Variants in KCNAB1 observed in about 807,000 individuals in gnomAD.
KCNAB1 encodes the protein voltage-gated potassium channel subunit beta-1.
KCNAB1 carries 35 observed loss-of-function variants against 64.6 expected under a neutral mutation model. The observed-to-expected ratio is 0.54, with a 90% CI of 0.41 to 0.72. KCNAB1 has a LOEUF of 0.72. Ranked by LOEUF, KCNAB1 falls within the 30% of genes least tolerant of loss-of-function variation. The pLI is 0.00. For missense variants in KCNAB1, 401 were observed against 512.9 expected (o/e 0.78, Z 2.11); for synonymous variants, 177 against 183.8 (o/e 0.96, Z 0.30).
chr3:156,396,918 CG>C (rs939487226), intron 1 of KCNAB1, among the ~76,000 whole-genome samples: 3 of 152,068 alleles, frequency 2.0e-5, no homozygotes, highest in African/African-American at 7.2e-5. Flanking sequence ...TTAGGACAGG[CG>C]ATGTAATGAC....
At chr3:156,424,956 A>G (rs1226341378) in intron 2 of KCNAB1, among the ~76,000 whole-genome samples, 1 of 152,202 alleles carries the variant, frequency 6.6e-6, no homozygotes, top group African/African-American at 2.4e-5. Flanking sequence ...TTCATTCAAA[A>G]CAGTTAACTA....
intron 1 of KCNAB1, among the ~76,000 whole-genome samples, chr3:156,172,420 C>T (rs1279321955): frequency 6.6e-6 from 1 of 152,068 alleles, no homozygotes; most frequent in Non-Finnish European, 1.5e-5. Flanking sequence ...GCGGGGACTA[C>T]AGGCATTCAC....
At chr3:156,333,319 AACAC>A (rs10641743) in intron 1 of KCNAB1, among the ~76,000 whole-genome samples, 66 of 143,382 alleles carry the variant, frequency 4.6e-4, no homozygotes, top group Admixed American at 2.1e-3. Flanking sequence ...CGCACATAGA[AACAC>A]ACACACACAC....
intron 2 of KCNAB1, among the ~76,000 whole-genome samples, chr3:156,425,171 A>G (rs192112309): frequency 6.6e-6 from 1 of 152,342 alleles, no homozygotes; most frequent in East Asian, 1.9e-4. Flanking sequence ...CCTACGTTCA[A>G]CTGAGGCCTT....
intron 1 of KCNAB1, among the ~76,000 whole-genome samples, chr3:156,131,668 CAG>C (rs1577616776): frequency 6.6e-6 from 1 of 152,140 alleles, no homozygotes; most frequent in Admixed American, 6.5e-5. Flanking sequence ...CCTAGCTACT[CAG>C]GAAGCAGATG....
chr3:156,475,845 A>T (rs1226409652), intron 8 of KCNAB1, among the ~76,000 whole-genome samples: 1 of 152,216 alleles, frequency 6.6e-6, no homozygotes, highest in East Asian at 1.9e-4. Flanking sequence ...ACCATAAAAA[A>T]GTTATGGAAA....
At chr3:156,183,058 A>G (rs1401346412) in intron 1 of KCNAB1, among the ~76,000 whole-genome samples, 2 of 152,150 alleles carry the variant, frequency 1.3e-5, no homozygotes, top group Admixed American at 6.5e-5. Context: ...TTACCATACA[A>G]TAATTGATTT....
chr3:156,191,367 A>T (rs901591030), intron 1 of KCNAB1, among the ~76,000 whole-genome samples: 1 of 152,234 alleles, frequency 6.6e-6, no homozygotes, highest in Non-Finnish European at 1.5e-5. Context: ...TTTACAGAAC[A>T]TTAGCACTGT....
rs146536793 is a variant in KCNAB1, at chr3:156,123,305, A to G, written c.275+2419A>G. On this transcript the variant is annotated intron_variant, in intron 1 of 13. Coordinates refer to ENST00000490337, the MANE Select transcript of KCNAB1 (RefSeq NM_172160.3). ...TTCTGTGGGTCTTTGGTTAATGTTC[A>G]TCAGTAAGGAATTGCTAGCGAACTC... Among the ~76,000 whole-genome samples, 4 of 152,356 alleles carry G rather than the reference A, an allele frequency of 2.6e-5. No individual in the cohort carries two copies. In the East Asian group the frequency reaches 5.8e-4, roughly 22 times the overall value.
intron 1 of KCNAB1, among the ~76,000 whole-genome samples, chr3:156,141,015 C>G (rs988048944): frequency 4.7e-5 from 7 of 150,376 alleles, no homozygotes; most frequent in Non-Finnish European, 1.5e-5. Flanking sequence ...AGAGTCACAG[C>G]TGGAATCATG....
intron 1 of KCNAB1, among the ~76,000 whole-genome samples, chr3:156,182,634 C>CG (rs1553815374): frequency 1.3e-5 from 2 of 151,676 alleles, no homozygotes; most frequent in African/African-American, 4.8e-5. Context: ...TTTTTTCCCC[C>CG]CCCCGGGTCT....
chr3:156,215,545 G>A (rs1715265161), intron 1 of KCNAB1: 1 of 152,318 alleles, frequency 6.6e-6, no homozygotes, highest in Non-Finnish European at 1.5e-5. Context: ...GGTGGTACAT[G>A]AAGGCACTAG....
chr3:156,434,412 C>T (rs886939182), intron 2 of KCNAB1, among the ~76,000 whole-genome samples: 2 of 152,342 alleles, frequency 1.3e-5, no homozygotes, highest in Non-Finnish European at 2.9e-5. Context: ...CATATACAGA[C>T]AGCCCATACG....
chr3:156,329,642 C>T (rs993908553), intron 1 of KCNAB1, among the ~76,000 whole-genome samples: 2 of 151,968 alleles, frequency 1.3e-5, no homozygotes, highest in Non-Finnish European at 2.9e-5. Context: ...CTCTCAGTGT[C>T]CCAAGTAATG....
intron 7 of KCNAB1, 107 bp from the exon 8 acceptor site, chr3:156,474,627 A>G: frequency 2.7e-6 from 2 of 750,650 alleles, no homozygotes; most frequent in South Asian, 3.2e-5. Context: ...TTTTGAAACT[A>G]TTCCAATTCT....
At chr3:156,125,751 G>T (rs976185838) in intron 1 of KCNAB1, among the ~76,000 whole-genome samples, 1 of 152,160 alleles carries the variant, frequency 6.6e-6, no homozygotes, top group African/African-American at 2.4e-5. Context: ...GCTGAATGTG[G>T]TTCTATGTGA....
intron 1 of KCNAB1, among the ~76,000 whole-genome samples, chr3:156,376,102 G>A (rs373325646): frequency 3.3e-5 from 5 of 152,204 alleles, no homozygotes; most frequent in African/African-American, 1.2e-4. Context: ...TTACAGGCGT[G>A]AACCACCTCA....
intron 1 of KCNAB1, among the ~76,000 whole-genome samples, chr3:156,330,477 A>G (rs919452893): frequency 1.1e-4 from 17 of 152,308 alleles, no homozygotes; most frequent in African/African-American, 3.8e-4. Context: ...TTTTACAGCC[A>G]CAAGGGTATT....
chr3:156,408,298 G>C (rs552277599), intron 1 of KCNAB1, among the ~76,000 whole-genome samples: 5 of 152,078 alleles, frequency 3.3e-5, no homozygotes, highest in African/African-American at 1.2e-4. Flanking sequence ...AGGCAGCAAG[G>C]GGCAGAGGAA....
Sources: gnomAD v4.1 joint callset for allele counts (sites outside exome capture counted in the v4.1 genomes callset) on GRCh38, gnomAD v4.1.1 for gene constraint, MANE v1.5 for transcripts, NCBI Gene and HGNC (gene_info 2026-07-23, HGNC 2026-07-21) for gene names.